The following RGS5 variants were observed in gnomAD, a reference collection of about 807,000 sequenced individuals.
RGS5 encodes regulator of G protein signaling 5.
In RGS5, 20 loss-of-function variants were observed where a neutral mutation model predicts 18.9. The ratio of observed to expected loss-of-function variants is 1.06; its 90% CI spans 0.74 to 1.54. RGS5 has a LOEUF of 1.54. Ranked by LOEUF, RGS5 falls within the 40% of genes most tolerant of loss-of-function variation. RGS5 has a pLI of 0.00. For missense variants in RGS5, 201 were observed against 211.8 expected (o/e 0.95, Z 0.32); for synonymous variants, 57 against 76.2 (o/e 0.75, Z 1.31).
At chr1:163,203,983 A>G (rs376367428), upstream of RGS5, among the ~76,000 whole-genome samples, 106 of 152,294 alleles carry the variant, frequency 7.0e-4, no homozygotes, top group Middle Eastern at 3.4e-3. Flanking sequence ...AAAGCTCTGA[A>G]TTTGGAATTG....
chr1:163,281,962 A>G (rs1009005427), intron 2 of RGS5, among the ~76,000 whole-genome samples: 1 of 152,176 alleles, frequency 6.6e-6, no homozygotes, highest in African/African-American at 2.4e-5. Flanking sequence ...CTATAAAACT[A>G]CTAGAAGAAA....
chr1:163,148,227 C>A (rs923248739), intron 4 of RGS5, among the ~76,000 whole-genome samples: 1 of 152,032 alleles, frequency 6.6e-6, no homozygotes, highest in Non-Finnish European at 1.5e-5. Context: ...GCGTCCGGCC[C>A]TGGTGCCTAA....
chr1:163,226,074 C>T (rs759989560), intron 2 of RGS5, among the ~76,000 whole-genome samples: 2 of 152,210 alleles, frequency 1.3e-5, no homozygotes, highest in Non-Finnish European at 2.9e-5. Context: ...GCGTGAGCCA[C>T]TATGCCCAGC....
At chr1:163,253,458 G>A (rs951262949) in intron 2 of RGS5, among the ~76,000 whole-genome samples, 157 of 115,854 alleles carry the variant, frequency 1.4e-3, no homozygotes, top group Non-Finnish European at 2.9e-3. Context: ...ACAGGTACAC[G>A]CCACCATGCC....
At chr1:163,148,484 T>C (rs868233407) in intron 4 of RGS5, among the ~76,000 whole-genome samples, 6 of 152,358 alleles carry the variant, frequency 3.9e-5, no homozygotes, top group Non-Finnish European at 7.3e-5. Flanking sequence ...ACTCATTTAA[T>C]CTTATAACTC....
chr1:163,226,013 C>T (rs182710399), intron 2 of RGS5, among the ~76,000 whole-genome samples: 7 of 151,934 alleles, frequency 4.6e-5, no homozygotes, highest in African/African-American at 1.7e-4. Flanking sequence ...CTCCACCTCC[C>T]GGGTTCAAAG....
intron 2 of RGS5, among the ~76,000 whole-genome samples, chr1:163,228,424 A>G (rs1355413750): frequency 1.3e-5 from 2 of 152,130 alleles, no homozygotes; most frequent in Non-Finnish European, 2.9e-5. Context: ...CCTTTTAGCT[A>G]TGGTTGGAGT....
intron 1 of RGS5, among the ~76,000 whole-genome samples, chr1:163,311,057 G>T (rs946529206): frequency 6.6e-6 from 1 of 152,168 alleles, no homozygotes; most frequent in African/African-American, 2.4e-5. Context: ...GATACATGGG[G>T]ATTATGAGGA....
intron 2 of RGS5, among the ~76,000 whole-genome samples, chr1:163,304,032 G>A (rs1649632304): frequency 6.6e-6 from 1 of 152,054 alleles, no homozygotes; most frequent in South Asian, 2.1e-4. Context: ...CAGAAAGGTT[G>A]GAAACCCGCT....
chr1:163,147,536 C>G (rs377463736), intron 4 of RGS5, 33 bp from the exon 5 acceptor site: 12 of 1,492,186 alleles, frequency 8.0e-6, no homozygotes, highest in Non-Finnish European at 8.9e-6. Flanking sequence ...ACTACATAAG[C>G]CTAAGTTATA....
At chr1:163,240,204 T>C (rs1201327687) in intron 2 of RGS5, among the ~76,000 whole-genome samples, 1 of 151,978 alleles carries the variant, frequency 6.6e-6, no homozygotes, top group Non-Finnish European at 1.5e-5. Flanking sequence ...TTAGAATCCA[T>C]TCAAATGAAT....
chr1:163,209,066 A>G (rs1295946375), intron 1 of RGS5, among the ~76,000 whole-genome samples: 3 of 152,212 alleles, frequency 2.0e-5, no homozygotes, highest in Admixed American at 6.5e-5. Flanking sequence ...AGTCCAATTA[A>G]GTAGAAATAT....
At chr1:163,260,445 T>C (rs961352) in intron 2 of RGS5, 1 of 152,112 alleles carries the variant, frequency 6.6e-6, no homozygotes, top group Non-Finnish European at 1.5e-5. Flanking sequence ...GATTCAAAAT[T>C]AGCGCACACT....
chr1:163,203,002 A>G, upstream of RGS5: 2 of 602,172 alleles, frequency 3.3e-6, no homozygotes, highest in South Asian at 4.3e-5. Flanking sequence ...CTTAGAGGAA[A>G]CTGCAGGCTG....
intron 1 of RGS5, among the ~76,000 whole-genome samples, chr1:163,187,294 A>G (rs931369113): frequency 6.6e-6 from 1 of 152,210 alleles, no homozygotes; most frequent in East Asian, 1.9e-4. Flanking sequence ...ATTTTTCTCA[A>G]TCTTGCCAGC....
intron 1 of RGS5, among the ~76,000 whole-genome samples, chr1:163,317,407 C>G (rs1199160841): frequency 6.6e-6 from 1 of 152,182 alleles, no homozygotes; most frequent in Non-Finnish European, 1.5e-5. Flanking sequence ...AATTCAGTCA[C>G]CAAGTTTTGC....
At chr1:163,151,541 G>A (rs369236271) in intron 4 of RGS5, among the ~76,000 whole-genome samples, 32 of 152,160 alleles carry the variant, frequency 2.1e-4, no homozygotes, top group Middle Eastern at 3.2e-3. Flanking sequence ...GCAGGACCAG[G>A]TGGCAATAAT....
chr1:163,316,562 C>T (rs1214941201), intron 1 of RGS5, among the ~76,000 whole-genome samples: 1 of 145,292 alleles, frequency 6.9e-6, no homozygotes, highest in Admixed American at 7.0e-5. Flanking sequence ...CCAGCCTGGG[C>T]AACACAGTGA....
At chr1:163,191,779 G>C (rs148730121) in intron 1 of RGS5, among the ~76,000 whole-genome samples, 2 of 152,246 alleles carry the variant, frequency 1.3e-5, no homozygotes, top group East Asian at 3.9e-4. Context: ...GCAACTCTTG[G>C]TGGCCTCCTG....
Sources: gnomAD v4.1 joint callset for allele counts (sites outside exome capture counted in the v4.1 genomes callset) on GRCh38, gnomAD v4.1.1 for gene constraint, MANE v1.5 for transcripts, NCBI Gene and HGNC (gene_info 2026-07-23, HGNC 2026-07-21) for gene names.